Variants in PCDHA8 observed in about 807,000 individuals in gnomAD.
PCDHA8 encodes the protein protocadherin alpha 8.
In PCDHA8, 53 loss-of-function variants were observed where a neutral mutation model predicts 61.8. The ratio of observed to expected loss-of-function variants is 0.86; its 90% CI spans 0.69 to 1.08. The LOEUF (loss-of-function observed/expected upper bound fraction) is 1.08, where lower values mean the gene tolerates loss of function less well. Ranked by LOEUF, PCDHA8 falls within the 50% of genes least tolerant of loss-of-function variation. The pLI, the probability that PCDHA8 is intolerant of heterozygous loss-of-function variation, is 0.00. For synonymous variants in PCDHA8, 618 were observed against 556.6 expected, an observed-to-expected ratio of 1.11 and a Z score of -1.55; for missense variants, 1,293 against 1,245.0, an observed-to-expected ratio of 1.04 and a Z score of -0.58.
chr5:140,929,715 T>A, intron 1 of PCDHA8: 1 of 230,486 alleles, frequency 4.3e-6, no homozygotes, highest in East Asian at 9.8e-5. Flanking sequence ...ATATGGAAGG[T>A]GAAACATTTA....
rs782644684 is a variant in PCDHA8 at position 140,870,861 on chromosome 5, G to C, written c.2394+27146G>C. The C allele has an allele frequency of 1.9e-6, 3 of 1,613,770 alleles. No individual in the cohort carries two copies. The African/African-American group carries it at 4.0e-5, about 22-fold the overall frequency. ...AGCTAGTACCGCGGTCGGTGGGTGC[G>C]GGCCACGTGGTGGCGAAGGTGCGCG... On this transcript the variant is annotated intron_variant, in intron 1 of 3. Coordinates refer to ENST00000531613, the MANE Select transcript of PCDHA8 (RefSeq NM_018911.3).
chr5:140,889,583 G>C (rs1373487919), intron 1 of PCDHA8, among the ~76,000 whole-genome samples: 1 of 151,554 alleles, frequency 6.6e-6, no homozygotes, highest in African/African-American at 2.4e-5. Context: ...TTTTGTTTTT[G>C]CTTTGAAATA....
chr5:140,941,438 C>T (rs1408570275), intron 1 of PCDHA8, among the ~76,000 whole-genome samples: 4 of 150,764 alleles, frequency 2.7e-5, no homozygotes, highest in African/African-American at 7.3e-5. Context: ...GCCTCAGCCT[C>T]GGGAGTAGCT....
chr5:140,981,264 C>T (rs2096925155), intron 2 of PCDHA8, among the ~76,000 whole-genome samples: 1 of 152,128 alleles, frequency 6.6e-6, no homozygotes, highest in Non-Finnish European at 1.5e-5. Flanking sequence ...TCAAGATAAG[C>T]AAATGTCTAG....
chr5:140,861,130 A>C (rs1554154191), intron 1 of PCDHA8: 1 of 153,606 alleles, frequency 6.5e-6, no homozygotes, highest in Non-Finnish European at 1.4e-5. Flanking sequence ...CATTAAGACC[A>C]CTTGGAACCT....
At chr5:140,971,370 G>C (rs2096473492) in intron 1 of PCDHA8, among the ~76,000 whole-genome samples, 3 of 152,194 alleles carry the variant, frequency 2.0e-5, no homozygotes, top group African/African-American at 7.2e-5. Flanking sequence ...CCAGGAGAGT[G>C]CATGACTTTA....
At chr5:140,876,921 C>T (rs1554169105) in intron 1 of PCDHA8, 13 of 1,613,926 alleles carry the variant, frequency 8.1e-6, no homozygotes, top group East Asian at 4.5e-5. Context: ...GGGACGCGGA[C>T]GCGCAGAAGA....
chr5:140,873,149 T>C (rs2054128037), intron 1 of PCDHA8, among the ~76,000 whole-genome samples: 1 of 152,218 alleles, frequency 6.6e-6, no homozygotes, highest in Non-Finnish European at 1.5e-5. Flanking sequence ...AGCCTATTCA[T>C]AGACTTTAGA....
At chr5:140,873,957 A>C (rs993299790) in intron 1 of PCDHA8, among the ~76,000 whole-genome samples, 7 of 152,236 alleles carry the variant, frequency 4.6e-5, no homozygotes, top group Non-Finnish European at 7.3e-5. Flanking sequence ...CACTGAGCCC[A>C]GCCTATTTTT....
intron 1 of PCDHA8, chr5:140,861,376 C>G (rs1490345053): frequency 4.8e-6 from 2 of 418,688 alleles, no homozygotes; most frequent in African/African-American, 4.1e-5. Flanking sequence ...GTCCCTATTG[C>G]GCAGGACCTG....
intron 1 of PCDHA8, chr5:140,870,789 G>T (rs1554164716): frequency 1.2e-6 from 2 of 1,613,512 alleles, no homozygotes; most frequent in East Asian, 2.2e-5. Context: ...ACAACGCGCC[G>T]GCACTGCTGG....
chr5:140,992,154 C>T (rs2097495252), intron 3 of PCDHA8, among the ~76,000 whole-genome samples: 1 of 151,952 alleles, frequency 6.6e-6, no homozygotes. Flanking sequence ...TTTGCTCAAT[C>T]AAGAAGTGTG....
In PCDHA8 at chr5:140,959,634, A is replaced by G. The variant is rs78629455; in HGVS notation, c.2395-19315A>G. ...TGCTTGTGATAGAAAAAAAGAGAGA[A>G]AAAACACAGAAGCAAAATTGAAGAA... On this transcript the variant is annotated intron_variant, in intron 1 of 3. Transcript: ENST00000531613. Among the ~76,000 whole-genome samples, 1,434 of 152,320 alleles carry G rather than the reference A, an allele frequency of 9.4e-3. 14 individuals carry two copies. The highest frequency in any genetic ancestry group is 0.021 in the Admixed American group (316 of 15,292).
chr5:140,882,382 A>G (rs782774831), intron 1 of PCDHA8: 5 of 1,614,092 alleles, frequency 3.1e-6, no homozygotes, highest in Non-Finnish European at 4.2e-6. Context: ...TCCCCGAGGA[A>G]GCAAAACACG....
chr5:140,897,509 G>T (rs2153456975), intron 1 of PCDHA8, among the ~76,000 whole-genome samples: 1 of 152,062 alleles, frequency 6.6e-6, no homozygotes, highest in East Asian at 1.9e-4. Context: ...CCCTACAAAG[G>T]ACATGAACTC....
At position 140,843,117 on chromosome 5, in the gene PCDHA8, C is replaced by T; in HGVS notation, c.1796C>T (p.Ala599Val). The T allele has an allele frequency of 6.3e-7, 1 of 1,595,860 alleles. No individual in the cohort carries two copies. Among genetic ancestry groups the T allele is most frequent in the Non-Finnish European group, 8.6e-7 (1 of 1,165,548 alleles). The change falls in exon 1 of 4, where the codon GCC (alanine) becomes GTC (valine). Residue 599 changes from alanine to valine, a missense_variant. By Grantham distance (64) the Ala-to-Val change is moderately conservative. Coordinates refer to ENST00000531613, the MANE Select transcript of PCDHA8 (RefSeq NM_018911.3). ...HVVAKVRAVD[A>V]DSGYNAWLSY... Reference sequence around the variant, plus strand: ...GTAGCGAAGGTGCGCGCAGTGGACGCCGACTCGGGCTACAACGCGTGGCTT... The same window carrying T: ...GTAGCGAAGGTGCGCGCAGTGGACGTCGACTCGGGCTACAACGCGTGGCTT...
At chr5:140,883,551 G>C (rs375469569) in intron 1 of PCDHA8, 16 of 1,614,234 alleles carry the variant, frequency 9.9e-6, no homozygotes, top group Middle Eastern at 1.7e-4. Flanking sequence ...GTGACCGCGC[G>C]GGACGGGGGC....
intron 1 of PCDHA8, among the ~76,000 whole-genome samples, chr5:140,913,163 T>C (rs1248646454): frequency 1.3e-5 from 2 of 152,198 alleles, no homozygotes; most frequent in African/African-American, 4.8e-5. Context: ...AGGATTGGTA[T>C]TAGTTCTTCT....
At chr5:140,875,760 C>T (rs781811926) in intron 1 of PCDHA8, 8 of 1,614,080 alleles carry the variant, frequency 5.0e-6, no homozygotes, top group Non-Finnish European at 5.9e-6. Context: ...AGAAGCTGTG[C>T]GGGCGGAGCG....
Sources: allele counts gnomAD v4.1 joint callset (sites outside exome capture counted in the v4.1 genomes callset), GRCh38; gene constraint gnomAD v4.1.1; transcripts MANE v1.5; gene names NCBI Gene and HGNC (gene_info 2026-07-23, HGNC 2026-07-21).